Variants in DCLRE1C observed in about 807,000 individuals in gnomAD.
The protein encoded by DCLRE1C is DNA cross-link repair 1C.
In DCLRE1C, 47 loss-of-function variants were observed where a neutral mutation model predicts 61.4. The ratio of observed to expected loss-of-function variants is 0.77; its 90% CI spans 0.61 to 0.98. DCLRE1C has a LOEUF of 0.98. DCLRE1C is among the 50% of genes least tolerant of loss of function. The probability of loss-of-function intolerance (pLI) is 0.00; values close to 1 mark genes in which losing one functional copy is unlikely to be tolerated. For missense variants in DCLRE1C, 858 were observed against 816.0 expected (o/e 1.05, Z -0.63); for synonymous variants, 337 against 287.6 (o/e 1.17, Z -1.74).
chr10:14,908,528 A>G lies in DCLRE1C; in HGVS notation c.1959T>C (p.Val653=). 1 of 1,614,106 alleles carries G rather than the reference A, an allele frequency of 6.2e-7. No homozygotes were observed. Among genetic ancestry groups the G allele is most frequent in the Non-Finnish European group, 8.5e-7 (1 of 1,180,008 alleles). The change falls in exon 14 of 14, where the codon GTT becomes GTC. Residue 653 remains valine, a synonymous_variant. Coordinates refer to ENST00000378278, the MANE Select transcript of DCLRE1C (RefSeq NM_001033855.3). ...GTAACTCAGCTTCTGGAGTTGAGGGAACTTCAAAATCAGAAGAGCTCTGGG... is the reference window on the plus strand; with the variant it reads ...GTAACTCAGCTTCTGGAGTTGAGGGGACTTCAAAATCAGAAGAGCTCTGGG... ...ADSQSSSDFE[V]PSTPEAELPK... is the part of the protein sequence containing the mutation.
intron 9 of DCLRE1C, among the ~76,000 whole-genome samples, chr10:14,931,777 G>A (rs1379747373): frequency 6.6e-6 from 1 of 152,182 alleles, no homozygotes; most frequent in Non-Finnish European, 1.5e-5. Flanking sequence ...AGTGGCTCAT[G>A]CCTGTAATCC....
intron 13 of DCLRE1C, among the ~76,000 whole-genome samples, chr10:14,919,384 G>A (rs1328844481): frequency 1.3e-5 from 2 of 151,866 alleles, no homozygotes; most frequent in East Asian, 3.9e-4. Flanking sequence ...TTAAGAAAAT[G>A]TTCAAGGATA....
intron 9 of DCLRE1C, among the ~76,000 whole-genome samples, chr10:14,932,635 C>CAAAA (rs370645225): frequency 7.1e-6 from 1 of 141,510 alleles, no homozygotes. Context: ...GACTCCATCT[C>CAAAA]AAAAAAAAAA....
intron 11 of DCLRE1C, among the ~76,000 whole-genome samples, chr10:14,925,354 T>C (rs1179364287): frequency 6.6e-6 from 1 of 152,084 alleles, no homozygotes; most frequent in East Asian, 1.9e-4. Flanking sequence ...CTCTCATTTA[T>C]ATAAGTTGAC....
intron 3 of DCLRE1C, among the ~76,000 whole-genome samples, chr10:14,940,207 C>A (rs1401215122): frequency 6.6e-6 from 1 of 152,028 alleles, no homozygotes; most frequent in South Asian, 2.1e-4. Flanking sequence ...TTTGTAAAAA[C>A]GTGGTCCTGT....
In DCLRE1C at chr10:14,908,165, C is replaced by CTTTTTTTTTTTTTTTTTTT. The variant is rs750020058; in HGVS notation, c.*224_*242dup. ...CAGAGTAGCCCACCACCATGCCTGG[C>CTTTTTTTTTTTTTTTTTTT]TTTTTTTTTTTTTTTTTTTTTTGTA... On this transcript the variant is annotated 3_prime_UTR_variant, in exon 14 of 14. Coordinates refer to ENST00000378278, the MANE Select transcript of DCLRE1C (RefSeq NM_001033855.3). 5 of 197,858 alleles carry CTTTTTTTTTTTTTTTTTTT rather than the reference C, an allele frequency of 2.5e-5. 1 individual carries two copies. The highest frequency in any genetic ancestry group is 1.8e-4 in the East Asian group (1 of 5,636). 12.3% of individuals were successfully genotyped at this position (197,858 alleles called of 1,614,324 possible).
At chr10:14,952,759 A>G (rs1164035113) in intron 1 of DCLRE1C, among the ~76,000 whole-genome samples, 1 of 152,202 alleles carries the variant, frequency 6.6e-6, no homozygotes, top group Non-Finnish European at 1.5e-5. Context: ...CACGATGCGA[A>G]TACGGCAACG....
chr10:14,922,964 A>G lies in DCLRE1C; in HGVS notation c.1061+17T>C, dbSNP rs773958897. On this transcript the variant is annotated intron_variant, in intron 12 of 13. Coordinates refer to ENST00000378278, the MANE Select transcript of DCLRE1C (RefSeq NM_001033855.3). ...CACCAAGGGGGACACCAAGTCCCAC[A>G]ACCAGTGACTACTCACATTTCGACA... 9 of 1,599,016 alleles carry G rather than the reference A, an allele frequency of 5.6e-6. No homozygotes were observed. In the African/African-American group the frequency reaches 1.2e-4, roughly 21 times the overall value.
chr10:14,911,380 A>G (rs1835230412), intron 13 of DCLRE1C: 1 of 152,222 alleles, frequency 6.6e-6, no homozygotes, highest in Non-Finnish European at 1.5e-5. Flanking sequence ...TAAACATGCT[A>G]ACCACATGCC....
intron 5 of DCLRE1C, among the ~76,000 whole-genome samples, chr10:14,935,946 T>A (rs1447898528): frequency 6.6e-6 from 1 of 152,210 alleles, no homozygotes; most frequent in Non-Finnish European, 1.5e-5. Context: ...TCTTGCTCTG[T>A]CCCCCAGGCT....
At chr10:14,914,486 C>G (rs1327298237) in intron 13 of DCLRE1C, among the ~76,000 whole-genome samples, 1 of 152,170 alleles carries the variant, frequency 6.6e-6, no homozygotes, top group Non-Finnish European at 1.5e-5. Flanking sequence ...TGTAGAAGAC[C>G]TGAACAACAT....
At chr10:14,953,861 C>G in intron 1 of DCLRE1C, 41 bp downstream of exon 1, 2 of 1,611,806 alleles carry the variant, frequency 1.2e-6, no homozygotes, top group Non-Finnish European at 1.7e-6. Flanking sequence ...CTCTCCAGCC[C>G]CCAGCGCCCC....
At chr10:14,921,845 T>A (rs1338023320) in intron 12 of DCLRE1C, among the ~76,000 whole-genome samples, 1 of 152,204 alleles carries the variant, frequency 6.6e-6, no homozygotes, top group East Asian at 1.9e-4. Context: ...CTTCTTCTTT[T>A]CTCATGGTTT....
intron 13 of DCLRE1C, among the ~76,000 whole-genome samples, chr10:14,912,509 G>C (rs1835426259): frequency 6.6e-6 from 1 of 152,146 alleles, no homozygotes; most frequent in Non-Finnish European, 1.5e-5. Context: ...ATTTAAAAAG[G>C]AGAAGCAACC....
intron 13 of DCLRE1C, 30 bp from the exon 14 acceptor site, chr10:14,909,360 AAAC>A: frequency 6.2e-7 from 1 of 1,603,958 alleles, no homozygotes; most frequent in Non-Finnish European, 8.5e-7. Flanking sequence ...GGTTTATAGG[AAAC>A]AAGGCAAAGG....
In DCLRE1C at chr10:14,905,742, T is replaced by A. The variant is rs561713097; in HGVS notation, c.*2666A>T. On this transcript the variant is annotated 3_prime_UTR_variant, in exon 14 of 14. Coordinates refer to ENST00000378278, the MANE Select transcript of DCLRE1C (RefSeq NM_001033855.3). ...GCTGACGCCTGTAATCCCAGCACTTTGGGAGGCCGAGGCGAGTGGATCACC... is the reference window on the plus strand; with the variant it reads ...GCTGACGCCTGTAATCCCAGCACTTAGGGAGGCCGAGGCGAGTGGATCACC... Among the ~76,000 whole-genome samples, 1 of 152,172 alleles carries A rather than the reference T, an allele frequency of 6.6e-6. No homozygotes were observed. Among genetic ancestry groups the A allele is most frequent in the Non-Finnish European group, 1.5e-5 (1 of 68,018 alleles).
rs886046838 is a variant in DCLRE1C at position 14,907,847 on chromosome 10, A to ATTT, written c.*558_*560dup. 2 of 107,498 alleles carry ATTT rather than the reference A, an allele frequency of 1.9e-5. No individual in the cohort carries two copies. Among genetic ancestry groups the ATTT allele is most frequent in the African/African-American group, 7.9e-5 (2 of 25,466 alleles). 6.7% of individuals were successfully genotyped at this position (107,498 alleles called of 1,614,324 possible). On this transcript the variant is annotated 3_prime_UTR_variant, in exon 14 of 14. Coordinates refer to ENST00000378278, the MANE Select transcript of DCLRE1C (RefSeq NM_001033855.3). Reference sequence around the variant, plus strand: ...TGATACGTATGGGTTTAGTTCTACCATTTTTTTTTCTTTTTTTTTTTTTTT... The same window carrying ATTT: ...TGATACGTATGGGTTTAGTTCTACCATTTTTTTTTTTTCTTTTTTTTTTTTTTT...
intron 11 of DCLRE1C, 112 bp downstream of exon 11, chr10:14,926,731 T>C: frequency 1.3e-6 from 1 of 763,310 alleles, no homozygotes; most frequent in South Asian, 1.7e-5. Context: ...TAAAAGGAAA[T>C]GAAACTTACA....
At chr10:14,949,619 A>C (rs1370421582) in intron 1 of DCLRE1C, among the ~76,000 whole-genome samples, 1 of 152,250 alleles carries the variant, frequency 6.6e-6, no homozygotes, top group African/African-American at 2.4e-5. Flanking sequence ...AGCGCTCCAC[A>C]TTAACAGACA....
Sources: allele counts gnomAD v4.1 joint callset (sites outside exome capture counted in the v4.1 genomes callset), GRCh38; gene constraint gnomAD v4.1.1; transcripts MANE v1.5; gene names NCBI Gene and HGNC (gene_info 2026-07-23, HGNC 2026-07-21).